The following WWOX variants were observed in gnomAD, a reference collection of about 807,000 sequenced individuals.
WWOX encodes the protein WW domain-containing oxidoreductase.
Under a neutral mutation model 46.2 loss-of-function variants are expected in WWOX, and 69 were observed. The observed-to-expected ratio is 1.49, with a 90% confidence interval of 1.23 to 1.82. WWOX has a LOEUF of 1.82. WWOX is among the 40% of genes most tolerant of loss of function. WWOX has a pLI of 0.00. For synonymous variants in WWOX, 359 were observed against 202.6 expected, an observed-to-expected ratio of 1.77 and a Z score of -6.56; for missense variants, 919 against 542.6, an observed-to-expected ratio of 1.69 and a Z score of -6.89.
intron 8 of WWOX, among the ~76,000 whole-genome samples, chr16:79,177,735 A>C (rs1401457190): frequency 6.6e-6 from 1 of 152,214 alleles, no homozygotes; most frequent in Non-Finnish European, 1.5e-5. Context: ...CTTTTACAAA[A>C]AGGGTCAGCA....
chr16:78,681,777 G>A (rs368888058), intron 8 of WWOX, among the ~76,000 whole-genome samples: 2 of 152,184 alleles, frequency 1.3e-5, no homozygotes, highest in African/African-American at 2.4e-5. Context: ...ACTCTGTGGC[G>A]TACTATCTAT....
intron 8 of WWOX, among the ~76,000 whole-genome samples, chr16:78,888,610 A>C (rs2044518825): frequency 6.6e-6 from 1 of 152,124 alleles, no homozygotes; most frequent in South Asian, 2.1e-4. Flanking sequence ...ATGAGGACTT[A>C]AATGTGTCCC....
At chr16:78,276,034 CT>C (rs531079084) in intron 5 of WWOX, among the ~76,000 whole-genome samples, 125 of 152,320 alleles carry the variant, frequency 8.2e-4, no homozygotes, top group African/African-American at 2.9e-3. Context: ...AAAGTTAAGC[CT>C]TCTGGCTGGC....
chr16:79,129,744 T>C (rs2049837089), intron 8 of WWOX, among the ~76,000 whole-genome samples: 1 of 152,170 alleles, frequency 6.6e-6, no homozygotes. Context: ...AAATAAATTA[T>C]TCAATCCATG....
intron 8 of WWOX, among the ~76,000 whole-genome samples, chr16:79,030,207 A>G (rs374886897): frequency 1.3e-5 from 2 of 152,362 alleles, no homozygotes; most frequent in South Asian, 4.1e-4. Flanking sequence ...CTGTTAGGAC[A>G]TTGTAATTAT....
At chr16:78,974,393 T>A (rs1233479349) in intron 8 of WWOX, among the ~76,000 whole-genome samples, 4 of 152,330 alleles carry the variant, frequency 2.6e-5, no homozygotes, top group African/African-American at 9.6e-5. Flanking sequence ...CCCTAGTACC[T>A]GCCTTGCTAT....
chr16:79,109,999 T>C (rs1419469046), intron 8 of WWOX, among the ~76,000 whole-genome samples: 5 of 152,218 alleles, frequency 3.3e-5, no homozygotes, highest in African/African-American at 1.2e-4. Context: ...GCCCGTTATG[T>C]CGCAAGGGCT....
intron 8 of WWOX, among the ~76,000 whole-genome samples, chr16:78,746,504 T>TGTAGTAATACTAGA (rs2049350366): frequency 6.6e-6 from 1 of 152,020 alleles, no homozygotes. Flanking sequence ...TAAAGTGCAT[T>TGTAGTAATACTAGA]GTAGTAATAC....
intron 6 of WWOX, among the ~76,000 whole-genome samples, chr16:78,395,542 A>G (rs943833717): frequency 2.0e-5 from 3 of 152,128 alleles, no homozygotes; most frequent in Non-Finnish European, 2.9e-5. Flanking sequence ...AGAGAAGGGC[A>G]GAAAGAAAGA....
Position 79,034,950 on chromosome 16 carries a change from C to T in WWOX, c.1057-176658C>T, listed in dbSNP as rs190405930. On this transcript the variant is annotated intron_variant, in intron 8 of 8. Coordinates refer to ENST00000566780, the MANE Select transcript of WWOX (RefSeq NM_016373.4). ...ATCTTCTAGTAGGATTATTGAAAGA[C>T]AGTAAAGGCAAGTATAAATCAGAAG... 3.9e-3 allele frequency among the ~76,000 whole-genome samples: 592 copies of T among 152,198 alleles called. 4 individuals carry two copies. Among genetic ancestry groups the T allele is most frequent in the African/African-American group, 0.013 (556 of 41,526 alleles).
At chr16:78,471,325 A>C (rs2084214951) in intron 8 of WWOX, among the ~76,000 whole-genome samples, 1 of 152,202 alleles carries the variant, frequency 6.6e-6, no homozygotes, top group Admixed American at 6.5e-5. Flanking sequence ...TAGCCCTCGG[A>C]GATGAGGATG....
At chr16:78,264,959 C>G (rs73572410) in intron 5 of WWOX, 2 of 118,472 alleles carry the variant, frequency 1.7e-5, no homozygotes, top group African/African-American at 3.2e-5. Flanking sequence ...CCCTCCCCTT[C>G]CCTCCCCTCC....
intron 8 of WWOX, among the ~76,000 whole-genome samples, chr16:78,485,735 C>A (rs1443610407): frequency 1.3e-5 from 2 of 152,308 alleles, no homozygotes; most frequent in East Asian, 3.9e-4. Context: ...GATGAAAGAA[C>A]AGATTGCCGC....
intron 8 of WWOX, among the ~76,000 whole-genome samples, chr16:78,749,071 G>A (rs1403209353): frequency 6.6e-6 from 1 of 152,198 alleles, no homozygotes; most frequent in Non-Finnish European, 1.5e-5. Flanking sequence ...TGATCACATG[G>A]TCTGGATGTG....
At chr16:79,179,054 G>C (rs2050858299) in intron 8 of WWOX, among the ~76,000 whole-genome samples, 1 of 152,156 alleles carries the variant, frequency 6.6e-6, no homozygotes, top group Non-Finnish European at 1.5e-5. Flanking sequence ...GCAATATTCT[G>C]TGAGCCTGGA....
At chr16:78,652,402 C>A (rs1372055156) in intron 8 of WWOX, among the ~76,000 whole-genome samples, 1 of 138,618 alleles carries the variant, frequency 7.2e-6, no homozygotes, top group Non-Finnish European at 1.5e-5. Flanking sequence ...GAGCGAGACT[C>A]CGTCTCAAAA....
chr16:78,647,539 A>T (rs2046872581), intron 8 of WWOX, among the ~76,000 whole-genome samples: 1 of 152,212 alleles, frequency 6.6e-6, no homozygotes, highest in Admixed American at 6.5e-5. Flanking sequence ...TGCTAAGCCT[A>T]ATCTCCATCT....
intron 8 of WWOX, among the ~76,000 whole-genome samples, chr16:78,771,808 T>C (rs1305900309): frequency 6.9e-6 from 1 of 145,864 alleles, no homozygotes; most frequent in Non-Finnish European, 1.5e-5. Flanking sequence ...AATAAATAAA[T>C]AAATAAGAGT....
At chr16:78,774,878 C>T (rs897475147) in intron 8 of WWOX, among the ~76,000 whole-genome samples, 12 of 152,252 alleles carry the variant, frequency 7.9e-5, no homozygotes, top group Admixed American at 3.9e-4. Flanking sequence ...AGATGTTTAC[C>T]GCAGAGCACT....
Sources: allele counts gnomAD v4.1 joint callset (sites outside exome capture counted in the v4.1 genomes callset), GRCh38; gene constraint gnomAD v4.1.1; transcripts MANE v1.5; gene names NCBI Gene and HGNC (gene_info 2026-07-23, HGNC 2026-07-21).